Variants in FOCAD observed in about 807,000 individuals in gnomAD.
FOCAD encodes the protein KIAA1797.
A neutral mutation model predicts 225.6 loss-of-function variants in FOCAD; 198 were observed. The observed-to-expected ratio is 0.88, with a 90% CI of 0.78 to 0.99. The LOEUF is 0.99. Among genes scored for constraint, FOCAD ranks in the 50% least tolerant of loss-of-function variants. The pLI, the probability that FOCAD is intolerant of heterozygous loss-of-function variation, is 0.00. For synonymous variants in FOCAD, 897 were observed against 755.0 expected, an observed-to-expected ratio of 1.19 and a Z score of -3.08; for missense variants, 2,713 against 2,123.6, an observed-to-expected ratio of 1.28 and a Z score of -5.46.
intron 2 of FOCAD, among the ~76,000 whole-genome samples, chr9:20,659,440 A>AAGAC (rs913429141): frequency 1.4e-4 from 20 of 145,124 alleles, no homozygotes; most frequent in East Asian, 6.2e-4. Context: ...GAAAGAAAGA[A>AAGAC]AGACAGACAG....
intron 7 of FOCAD, among the ~76,000 whole-genome samples, chr9:20,766,442 G>T (rs968083296): frequency 6.6e-6 from 1 of 152,102 alleles, no homozygotes; most frequent in Non-Finnish European, 1.5e-5. Flanking sequence ...CTATCTCATG[G>T]CTAATTGAAT....
At chr9:20,789,719 A>C in intron 11 of FOCAD, 111 bp downstream of exon 11, 1 of 1,291,928 alleles carries the variant, frequency 7.7e-7, no homozygotes, top group Non-Finnish European at 1.1e-6. Context: ...TTATGGGTTG[A>C]TGATTTTTTT....
intron 15 of FOCAD, among the ~76,000 whole-genome samples, chr9:20,851,683 T>C (rs1827674860): frequency 6.6e-6 from 1 of 151,920 alleles, no homozygotes; most frequent in Non-Finnish European, 1.5e-5. Context: ...GAATCTGTAG[T>C]GTGATGAGAT....
chr9:20,746,263 T>G (rs1828025631), intron 5 of FOCAD, among the ~76,000 whole-genome samples: 1 of 152,226 alleles, frequency 6.6e-6, no homozygotes, highest in Admixed American at 6.5e-5. Context: ...GAAGAGTGTT[T>G]CAGAGGAAGG....
intron 18 of FOCAD, chr9:20,873,762 C>T (rs960445747): frequency 6.6e-5 from 10 of 152,124 alleles, no homozygotes; most frequent in African/African-American, 2.4e-4. Flanking sequence ...CTAAATGGAA[C>T]AGTGCTTTGG....
intron 24 of FOCAD, among the ~76,000 whole-genome samples, chr9:20,922,049 C>T (rs999068436): frequency 1.3e-5 from 2 of 152,090 alleles, no homozygotes; most frequent in Non-Finnish European, 2.9e-5. Context: ...TCAGGATATT[C>T]TGTTAAAAGA....
intron 4 of FOCAD, among the ~76,000 whole-genome samples, chr9:20,731,975 A>G (rs1826752945): frequency 6.6e-6 from 1 of 152,062 alleles, no homozygotes; most frequent in Admixed American, 6.6e-5. Context: ...AAGTTCTGGG[A>G]TACATGTGCA....
chr9:20,926,533 C>G (rs899420112), intron 26 of FOCAD, 116 bp downstream of exon 26: 2 of 665,806 alleles, frequency 3.0e-6, no homozygotes, highest in Non-Finnish European at 5.4e-6. Context: ...CCTGTAATCC[C>G]AGCACTTTGG....
intron 35 of FOCAD, among the ~76,000 whole-genome samples, chr9:20,961,162 T>TCCC (rs1331324162): frequency 6.6e-6 from 1 of 151,290 alleles, no homozygotes; most frequent in African/African-American, 2.4e-5. Flanking sequence ...ACTCCTCCCC[T>TCCC]CCCCTCCGCT....
intron 15 of FOCAD, among the ~76,000 whole-genome samples, chr9:20,835,722 T>A (rs1454143127): frequency 1.3e-5 from 2 of 152,200 alleles, no homozygotes; most frequent in East Asian, 3.9e-4. Flanking sequence ...TCTCCCAAAG[T>A]CTTGAGATGG....
chr9:20,938,377 A>G (rs1447554148), intron 28 of FOCAD, among the ~76,000 whole-genome samples: 1 of 152,218 alleles, frequency 6.6e-6, no homozygotes, highest in Non-Finnish European at 1.5e-5. Flanking sequence ...TGGCACATAT[A>G]CACCATGGAA....
intron 4 of FOCAD, among the ~76,000 whole-genome samples, chr9:20,724,493 G>A (rs1826039172): frequency 6.6e-6 from 1 of 152,124 alleles, no homozygotes. Context: ...TGTTCATATT[G>A]TCTAAATTGT....
At chr9:20,950,781 A>T (rs7031487) in intron 33 of FOCAD, among the ~76,000 whole-genome samples, 1,952 of 152,316 alleles carry the variant, frequency 0.013, 50 homozygotes, top group African/African-American at 0.044. Flanking sequence ...TAAATGATTG[A>T]TTGAATCATT....
chr9:20,826,365 A>G (rs1361870252), intron 15 of FOCAD, among the ~76,000 whole-genome samples: 1 of 152,130 alleles, frequency 6.6e-6, no homozygotes, highest in Non-Finnish European at 1.5e-5. Context: ...GCCCTCGAAC[A>G]TCAGACTCCA....
At chr9:20,947,547 A>G (rs1837296278) in intron 30 of FOCAD, among the ~76,000 whole-genome samples, 1 of 152,150 alleles carries the variant, frequency 6.6e-6, no homozygotes, top group Non-Finnish European at 1.5e-5. Flanking sequence ...CAGTTTTTCA[A>G]GGGAAAGATT....
chr9:20,896,519 T>C (rs1435339881), intron 21 of FOCAD, among the ~76,000 whole-genome samples: 1 of 151,892 alleles, frequency 6.6e-6, no homozygotes, highest in Non-Finnish European at 1.5e-5. Flanking sequence ...GGTTATTAAT[T>C]GTCAATTCAA....
chr9:20,956,921 C>T (rs370219108), intron 35 of FOCAD, among the ~76,000 whole-genome samples: 8 of 152,122 alleles, frequency 5.3e-5, no homozygotes, highest in South Asian at 2.1e-4. Flanking sequence ...CTTGAACTCC[C>T]GACCTCAGGT....
chr9:20,933,560 C>T (rs1259806235), intron 28 of FOCAD, among the ~76,000 whole-genome samples: 6 of 150,916 alleles, frequency 4.0e-5, no homozygotes, highest in African/African-American at 1.5e-4. Flanking sequence ...AGTATTCCAT[C>T]GTGTGTGTGT....
intron 11 of FOCAD, among the ~76,000 whole-genome samples, chr9:20,800,556 C>G (rs1008368803): frequency 6.6e-6 from 1 of 152,104 alleles, no homozygotes; most frequent in Non-Finnish European, 1.5e-5. Flanking sequence ...TCTTTTCACT[C>G]TTTTTTCTCT....
Sources: gnomAD v4.1 joint callset for allele counts (sites outside exome capture counted in the v4.1 genomes callset) on GRCh38, gnomAD v4.1.1 for gene constraint, MANE v1.5 for transcripts, NCBI Gene and HGNC (gene_info 2026-07-23, HGNC 2026-07-21) for gene names.